MACF1: variants seen among roughly 807,000 people sequenced by gnomAD.
MACF1 encodes the protein microtubule actin crosslinking factor 1.
A neutral mutation model predicts 854.8 loss-of-function variants in MACF1; 193 were observed. The observed-to-expected ratio is 0.23, with a 90% CI of 0.20 to 0.25. MACF1 has a LOEUF of 0.25. Among genes scored for constraint, MACF1 ranks in the 10% least tolerant of loss-of-function variants. The pLI is 1.00. For synonymous variants in MACF1, 3,185 were observed against 3,226.7 expected, an observed-to-expected ratio of 0.99 and a Z score of 0.44; for missense variants, 7,722 against 8,929.1, an observed-to-expected ratio of 0.86 and a Z score of 5.45.
chr1:39,209,419 C>T (rs1644490645), intron 1 of MACF1, among the ~76,000 whole-genome samples: 1 of 152,086 alleles, frequency 6.6e-6, no homozygotes. Flanking sequence ...TTTATTAAAT[C>T]TCACATTGTG....
chr1:39,294,974 C>T (rs1645870178), intron 18 of MACF1, 72 bp from the exon 19 acceptor site: 7 of 1,124,064 alleles, frequency 6.2e-6, no homozygotes, highest in Non-Finnish European at 9.4e-6. Flanking sequence ...ATAGGGAACA[C>T]AGCTTTTATT....
rs192317680 is a variant in MACF1, at chr1:39,100,710, C to T, written c.220+16272C>T. Among the ~76,000 whole-genome samples, 8 of 150,436 alleles carry T rather than the reference C, an allele frequency of 5.3e-5. No homozygotes were observed. The East Asian group carries it at 8.0e-4, about 15-fold the overall frequency. ...CTCTACGAAAAATACAAAAATTAGC[C>T]GGGGGTGGTGGCAGGCGCCTGTAAT... is the stretch of plus-strand genomic sequence containing the variant. On this transcript the variant is annotated intron_variant, in intron 2 of 93. Coordinates refer to the MACF1 transcript ENST00000361689.
In MACF1 at chr1:39,105,391, G is replaced by T; in HGVS notation, c.220+20953G>T. 1 of 987,062 alleles carries T rather than the reference G, an allele frequency of 1.0e-6. No individual in the cohort carries two copies. Among genetic ancestry groups the T allele is most frequent in the Non-Finnish European group, 1.2e-6 (1 of 831,984 alleles). The allele number at this position is 987,062 out of a possible 1,614,324, so 61.1% of individuals were successfully genotyped here. The stretch of plus-strand genomic sequence containing the variant: ...AGGGAGGAGCGGAGCCGAGGGGTGA[G>T]GACGCGGAAACGCGAGCCGGGACCG... On this transcript the variant is annotated intron_variant, in intron 2 of 93. Transcript: ENST00000361689. The surrounding 1 kb of genome is among the most constrained non-coding windows in gnomAD (Gnocchi z 5.9).
In MACF1 at chr1:39,333,585, C is replaced by A; in HGVS notation, c.6997C>A (p.Gln2333Lys). Residue 2333 changes from glutamine (Q) to lysine (K), a missense_variant, in exon 37 of 101, where the codon CAG becomes AAG. Transcript: ENST00000564288. The stretch of plus-strand genomic sequence containing the variant: ...GCTTATGGAGAAGCTGAACATGTTT[C>A]AGGGGTTCTTTGACTCTCAGACTTG... Reference protein sequence around the residue: ...VKLMEKLNMFQGFFDSQTCES... With the variant: ...VKLMEKLNMFKGFFDSQTCES... The A allele has an allele frequency of 6.2e-7, 1 of 1,614,188 alleles. No homozygotes were observed. Among genetic ancestry groups the A allele is most frequent in the South Asian group, 1.1e-5 (1 of 91,074 alleles).
intron 1 of MACF1, among the ~76,000 whole-genome samples, chr1:39,208,745 C>T (rs1443856438): frequency 1.3e-5 from 2 of 152,148 alleles, no homozygotes; most frequent in African/African-American, 4.8e-5. Flanking sequence ...CTGCCTCAGC[C>T]TCCTGAGTAG....
At chr1:39,376,724 C>G (rs1463322645) in intron 52 of MACF1, among the ~76,000 whole-genome samples, 3 of 151,638 alleles carry the variant, frequency 2.0e-5, no homozygotes, top group Admixed American at 1.3e-4. Context: ...AATTTTTTTC[C>G]TTCCTTTTAG....
At chr1:39,239,780 CTTTCCA>C (rs1485155943) in intron 2 of MACF1, among the ~76,000 whole-genome samples, 1 of 152,168 alleles carries the variant, frequency 6.6e-6, no homozygotes, top group Non-Finnish European at 1.5e-5. Context: ...TAGAGCAGTT[CTTTCCA>C]TTTTTGTATA....
At chr1:39,248,719 T>A (rs1483679787) in intron 2 of MACF1, among the ~76,000 whole-genome samples, 1 of 152,210 alleles carries the variant, frequency 6.6e-6, no homozygotes, top group Non-Finnish European at 1.5e-5. Flanking sequence ...CTTCCCATTC[T>A]GTGTTGTGAA....
At chr1:39,202,282 C>T (rs937991798), upstream of MACF1, among the ~76,000 whole-genome samples, 2 of 148,400 alleles carry the variant, frequency 1.3e-5, no homozygotes, top group African/African-American at 4.9e-5. Flanking sequence ...TCTTTATCTG[C>T]TCAGATGTCA....
chr1:39,215,438 G>T (rs760176793), intron 1 of MACF1: 1 of 121,282 alleles, frequency 8.2e-6, no homozygotes, highest in African/African-American at 2.6e-5. Flanking sequence ...GGGTTAGTAT[G>T]TGAAGTTTTT....
At chr1:39,227,431 G>A (rs1357695263) in intron 1 of MACF1, among the ~76,000 whole-genome samples, 1 of 152,120 alleles carries the variant, frequency 6.6e-6, no homozygotes, top group East Asian at 1.9e-4. Flanking sequence ...AGGAGTTAAT[G>A]ATCTCCCTGG....
chr1:39,139,311 TC>T (rs1372366231), intron 2 of MACF1, among the ~76,000 whole-genome samples: 2 of 151,940 alleles, frequency 1.3e-5, no homozygotes, highest in East Asian at 1.9e-4. Context: ...TTTTTTTTTT[TC>T]AGACAGTCTC....
intron 41 of MACF1, among the ~76,000 whole-genome samples, chr1:39,349,105 G>GT (rs1338232752): frequency 1.3e-5 from 2 of 152,134 alleles, no homozygotes; most frequent in African/African-American, 4.8e-5. Flanking sequence ...TCTGGTTCTA[G>GT]TGGAGGGATT....
At chr1:39,474,143 C>T (rs533158974) in intron 97 of MACF1, among the ~76,000 whole-genome samples, 1 of 152,234 alleles carries the variant, frequency 6.6e-6, no homozygotes, top group East Asian at 1.9e-4. Context: ...AATCCCAGCA[C>T]TTTGGGAGGC....
At chr1:39,405,771 G>T (rs928336966) in intron 58 of MACF1, among the ~76,000 whole-genome samples, 4 of 152,212 alleles carry the variant, frequency 2.6e-5, no homozygotes, top group Admixed American at 1.3e-4. Flanking sequence ...TTTGGCTTCA[G>T]TGCATATGTT....
chr1:39,360,902 C>A lies in MACF1; in HGVS notation c.12354C>A (p.Ser4118Arg), dbSNP rs1176364865. The A allele has an allele frequency of 6.2e-7, 1 of 1,613,922 alleles. No homozygotes were observed. Residue 4118 changes from serine to arginine, a missense_variant, in exon 48 of 101, where the codon AGC becomes AGA. Coordinates refer to ENST00000564288, the MANE Select transcript of MACF1 (RefSeq NM_001394062.1). The stretch of plus-strand genomic sequence containing the variant: ...AGAGTGTCCAGGAAAGCCTGGAGAG[C>A]CTGTTGCAGTCTATTGGGGAAGTTG... ...QSQSVQESLE[S>R]LLQSIGEVEQ... is the part of the protein sequence containing the mutation.
chr1:39,331,035 A>AGG, intron 36 of MACF1, 168 bp from the exon 37 acceptor site: 1 of 951,840 alleles, frequency 1.1e-6, no homozygotes, highest in Non-Finnish European at 1.4e-6. Flanking sequence ...TCCTGACCTC[A>AGG]TGATTTGCCT....
chr1:39,337,120 G>A, intron 37 of MACF1, 62 bp from the exon 38 acceptor site: 1 of 1,523,696 alleles, frequency 6.6e-7, no homozygotes, highest in Non-Finnish European at 8.8e-7. Context: ...ACCCCTGCCT[G>A]CTTTAAAGCT....
chr1:39,241,362 G>GGT lies in MACF1; in HGVS notation c.172-8649_172-8648dup, dbSNP rs1407774923. Among the ~76,000 whole-genome samples the GGT allele has an allele frequency of 2.6e-5, 4 of 152,152 alleles. No individual in the cohort carries two copies. In the East Asian group the frequency reaches 7.7e-4, roughly 29 times the overall value. On this transcript the variant is annotated intron_variant, in intron 2 of 100. Coordinates refer to ENST00000564288, the MANE Select transcript of MACF1 (RefSeq NM_001394062.1). Reference sequence around the variant, plus strand: ...AGATTTCTAGATCAAGTTTTCGGCAGGTGTCAATACTACGAGGCCAGGCAT... The same window carrying GGT: ...AGATTTCTAGATCAAGTTTTCGGCAGGTGTGTCAATACTACGAGGCCAGGCAT...
Sources: allele counts gnomAD v4.1 joint callset (sites outside exome capture counted in the v4.1 genomes callset), GRCh38; gene constraint gnomAD v4.1.1; non-coding constraint Gnocchi (gnomAD v3.1); transcripts MANE v1.5; gene names NCBI Gene and HGNC (gene_info 2026-07-23, HGNC 2026-07-21).